ANO10: variants seen among roughly 807,000 people sequenced by gnomAD.
ANO10 encodes anoctamin 10.
A neutral mutation model predicts 74.7 loss-of-function variants in ANO10; 77 were observed. The ratio of observed to expected loss-of-function variants is 1.03; its 90% CI spans 0.86 to 1.25. ANO10 has a LOEUF of 1.25. Among genes scored for constraint, ANO10 ranks in the 50% most tolerant of loss-of-function variants. The pLI, the probability that ANO10 is intolerant of heterozygous loss-of-function variation, is 0.00. For synonymous variants in ANO10, 279 were observed against 284.9 expected (o/e 0.98, Z 0.21); for missense variants, 721 against 778.1 (o/e 0.93, Z 0.87).
At chr3:43,607,931 A>C (rs897636705) in intron 1 of ANO10, among the ~76,000 whole-genome samples, 2 of 152,168 alleles carry the variant, frequency 1.3e-5, no homozygotes, top group Non-Finnish European at 2.9e-5. Flanking sequence ...ACACAGGCAC[A>C]AAGAAAATAT....
At chr3:43,595,868 G>A (rs1198632487) in intron 4 of ANO10, among the ~76,000 whole-genome samples, 4 of 152,040 alleles carry the variant, frequency 2.6e-5, no homozygotes, top group Non-Finnish European at 4.4e-5. Flanking sequence ...AAACCCCATC[G>A]TCTCAGCCAA....
At chr3:43,486,171 C>G (rs190528344) in intron 11 of ANO10, among the ~76,000 whole-genome samples, 1 of 152,126 alleles carries the variant, frequency 6.6e-6, no homozygotes, top group Admixed American at 6.6e-5. Context: ...TGAAAAGACA[C>G]GTTTACTATC....
intron 11 of ANO10, among the ~76,000 whole-genome samples, chr3:43,461,089 G>GT (rs1456507346): frequency 6.6e-6 from 1 of 151,566 alleles, no homozygotes; most frequent in African/African-American, 2.4e-5. Context: ...AAGAACAAAC[G>GT]TTTTTTAAAA....
intron 1 of ANO10, among the ~76,000 whole-genome samples, chr3:43,686,543 C>T (rs1304907447): frequency 2.0e-5 from 3 of 152,164 alleles, no homozygotes; most frequent in Non-Finnish European, 2.9e-5. Context: ...ATCTTGGCCT[C>T]CCAAACTGCT....
chr3:43,643,678 C>CTTTTTTTTTTTTTTTTTT (rs1310556861), intron 1 of ANO10, among the ~76,000 whole-genome samples: 6 of 133,622 alleles, frequency 4.5e-5, no homozygotes, highest in African/African-American at 1.9e-4. Flanking sequence ...TTGTCCTCAT[C>CTTTTTTTTTTTTTTTTTT]TTTTCTTTTT....
intron 1 of ANO10, among the ~76,000 whole-genome samples, chr3:43,667,750 A>G (rs555566812): frequency 1.3e-5 from 2 of 152,114 alleles, no homozygotes; most frequent in African/African-American, 4.8e-5. Context: ...GCTCTATCCA[A>G]GTTGCTGCAA....
intron 12 of ANO10, among the ~76,000 whole-genome samples, chr3:43,384,045 A>G (rs1171581966): frequency 1.3e-5 from 2 of 152,234 alleles, no homozygotes; most frequent in African/African-American, 4.8e-5. Context: ...AAAAGTTCCT[A>G]GAACTGGTAC....
chr3:43,588,809 A>G (rs895724518), intron 4 of ANO10, among the ~76,000 whole-genome samples: 2 of 152,206 alleles, frequency 1.3e-5, no homozygotes, highest in Non-Finnish European at 2.9e-5. Flanking sequence ...GACAATAAAA[A>G]TCTATCCAAG....
intron 11 of ANO10, among the ~76,000 whole-genome samples, chr3:43,479,177 G>A (rs761948454): frequency 6.6e-5 from 10 of 151,678 alleles, no homozygotes; most frequent in South Asian, 4.2e-4. Context: ...CTTTTCACTC[G>A]TGCTAACATG....
At chr3:43,555,152 T>C (rs1040783659) in intron 10 of ANO10, 126 bp downstream of exon 10, 1 of 968,492 alleles carries the variant, frequency 1.0e-6, no homozygotes. Flanking sequence ...AGCTAGTTTG[T>C]AGCCAAACAA....
At chr3:43,489,418 T>C (rs1187994798) in intron 11 of ANO10, among the ~76,000 whole-genome samples, 1 of 152,198 alleles carries the variant, frequency 6.6e-6, no homozygotes, top group Non-Finnish European at 1.5e-5. Context: ...TAAGCTTCTG[T>C]ACCTTACTGA....
intron 11 of ANO10, among the ~76,000 whole-genome samples, chr3:43,533,415 G>A (rs780362340): frequency 7.9e-5 from 12 of 151,958 alleles, no homozygotes; most frequent in South Asian, 2.1e-4. Flanking sequence ...AAAAACACTC[G>A]AAAGCTCCCT....
chr3:43,686,225 T>C (rs973116047), intron 1 of ANO10, among the ~76,000 whole-genome samples: 1 of 152,130 alleles, frequency 6.6e-6, no homozygotes, highest in Admixed American at 6.5e-5. Flanking sequence ...ATACACACCT[T>C]AAAAACAACT....
chr3:43,453,427 C>G (rs983374751), intron 11 of ANO10, among the ~76,000 whole-genome samples: 1 of 152,168 alleles, frequency 6.6e-6, no homozygotes, highest in Admixed American at 6.5e-5. Flanking sequence ...GATATGCCCA[C>G]CTCGGCCTCC....
chr3:43,585,373 C>A (rs2081431078), intron 4 of ANO10, among the ~76,000 whole-genome samples: 2 of 152,048 alleles, frequency 1.3e-5, no homozygotes, highest in African/African-American at 4.8e-5. Context: ...AAAAAACAAC[C>A]TTTGTTTACA....
At chr3:43,596,558 A>T (rs1019360138) in intron 4 of ANO10, among the ~76,000 whole-genome samples, 5 of 152,328 alleles carry the variant, frequency 3.3e-5, no homozygotes, top group Non-Finnish European at 5.9e-5. Flanking sequence ...CTGGCCAGCC[A>T]TATATAGAAA....
At chr3:43,627,981 G>A (rs1158478593) in intron 1 of ANO10, among the ~76,000 whole-genome samples, 1 of 152,082 alleles carries the variant, frequency 6.6e-6, no homozygotes, top group African/African-American at 2.4e-5. Context: ...CCGTCTCCCA[G>A]ATACAGGCGA....
In ANO10 at chr3:43,549,704, T is replaced by G. The variant is rs2079367658; in HGVS notation, c.1797+16A>C. On this transcript the variant is annotated intron_variant, in intron 11 of 12. Coordinates refer to ENST00000292246, the MANE Select transcript of ANO10 (RefSeq NM_018075.5). The stretch of plus-strand genomic sequence containing the variant: ...AATATGGATACTGCTTAAAATAAGT[T>G]TAAATCTTTACTTACCTCCACTGCT... The G allele has an allele frequency of 1.2e-6, 2 of 1,613,734 alleles. No homozygotes were observed. The highest frequency in any genetic ancestry group is 2.7e-5 in the African/African-American group (2 of 75,014).
At chr3:43,575,030 T>A (rs918144898) in intron 6 of ANO10, among the ~76,000 whole-genome samples, 166 bp from the exon 7 acceptor site, 2 of 152,118 alleles carry the variant, frequency 1.3e-5, no homozygotes, top group Non-Finnish European at 2.9e-5. Context: ...ACCAAGAGCA[T>A]CAAACAGGGA....
Sources: allele counts gnomAD v4.1 joint callset (sites outside exome capture counted in the v4.1 genomes callset), GRCh38; gene constraint gnomAD v4.1.1; transcripts MANE v1.5; gene names NCBI Gene and HGNC (gene_info 2026-07-23, HGNC 2026-07-21).